Variants in STMN2 observed in about 807,000 individuals in gnomAD.
The protein encoded by STMN2 is stathmin-2.
STMN2 carries 2 observed loss-of-function variants against 24.1 expected under a neutral mutation model. The ratio of observed to expected loss-of-function variants is 0.08; its 90% confidence interval spans 0.03 to 0.26. The LOEUF is 0.26. STMN2 is among the 10% of genes least tolerant of loss of function. The pLI is 1.00. For synonymous variants in STMN2, 83 were observed against 77.5 expected (o/e 1.07, Z -0.37); for missense variants, 114 against 213.6 (o/e 0.53, Z 2.91).
At position 79,641,538 on chromosome 8, in the gene STMN2, G is replaced by A; in HGVS notation, c.276G>A (p.Glu92=). 3 of 1,609,446 alleles carry A rather than the reference G, an allele frequency of 1.9e-6. No homozygotes were observed. The highest frequency in any genetic ancestry group is 2.5e-6 in the Non-Finnish European group (3 of 1,178,024). The change falls in exon 3 of 5, where the codon GAG becomes GAA. Residue 92 remains glutamate, a synonymous_variant. Coordinates refer to ENST00000220876, the MANE Select transcript of STMN2 (RefSeq NM_007029.4). The part of the protein sequence containing the change: ...EEIQKKLEAA[E]ERRKSQEAQV... The stretch of plus-strand genomic sequence containing the variant: ...TCCAGAAGAAACTGGAGGCTGCAGA[G>A]GAAAGAAGAAAGGTAACTTTTTCCA...
At position 79,655,356 on chromosome 8, in the gene STMN2, C is replaced by T. The variant is rs974861744; in HGVS notation, c.480+294C>T. ...GTGTAAGACTTCTATACAAGCCTCA[C>T]GAGGCAATCTGTAGGAAAAATGTTA... is the stretch of plus-strand genomic sequence containing the variant. On this transcript the variant is annotated intron_variant, in intron 4 of 4. Coordinates refer to ENST00000220876, the MANE Select transcript of STMN2 (RefSeq NM_007029.4). 5.9e-5 allele frequency among the ~76,000 whole-genome samples: 9 copies of T among 151,678 alleles called. No individual in the cohort carries two copies. The East Asian group carries it at 1.2e-3, about 19-fold the overall frequency.
chr8:79,636,412 G>A (rs1809956455), intron 1 of STMN2, among the ~76,000 whole-genome samples: 3 of 152,090 alleles, frequency 2.0e-5, no homozygotes, highest in Admixed American at 2.0e-4. Context: ...TCTTACTTAT[G>A]TACAATAGAC....
rs1444557 is a variant in STMN2, at chr8:79,655,891, C to T, written c.480+829C>T. ...CTCAATCCTTTTCTGAGCAGTCAGT[C>T]ACCCTTCCCGCCAGTAGCAAGTGCC... On this transcript the variant is annotated intron_variant, in intron 4 of 4. Coordinates refer to ENST00000220876, the MANE Select transcript of STMN2 (RefSeq NM_007029.4). 5.8e-3 allele frequency among the ~76,000 whole-genome samples: 884 copies of T among 152,248 alleles called. 21 individuals are homozygous for T. The highest frequency in any genetic ancestry group is 0.033 in the Admixed American group (511 of 15,290).
chr8:79,613,844 T>A, intron 1 of STMN2: 1 of 984,552 alleles, frequency 1.0e-6, no homozygotes, highest in Non-Finnish European at 1.2e-6. Context: ...TTCATGTGGC[T>A]AAGATACATG....
chr8:79,630,946 C>T (rs951242128), intron 1 of STMN2, among the ~76,000 whole-genome samples: 3 of 152,150 alleles, frequency 2.0e-5, no homozygotes, highest in Admixed American at 1.3e-4. Flanking sequence ...TGATAAAAAT[C>T]TTGACACATA....
intron 4 of STMN2, among the ~76,000 whole-genome samples, chr8:79,660,325 G>C (rs901908056): frequency 6.6e-6 from 1 of 152,292 alleles, no homozygotes; most frequent in South Asian, 2.1e-4. Context: ...TCAATGCCAA[G>C]ACTTCTGAGC....
chr8:79,650,760 C>T (rs973615360), intron 3 of STMN2, among the ~76,000 whole-genome samples: 3 of 152,056 alleles, frequency 2.0e-5, no homozygotes, highest in African/African-American at 7.2e-5. Flanking sequence ...GTTATTAGCG[C>T]CCCTGAATAA....
intron 1 of STMN2, chr8:79,613,433 G>A (rs1247804727): frequency 1.1e-5 from 11 of 985,346 alleles, no homozygotes; most frequent in African/African-American, 3.5e-5. Context: ...ACCGGTTTCT[G>A]CGCAGTGTCC....
At chr8:79,637,035 T>C in intron 2 of STMN2, 138 bp downstream of exon 2, 1 of 751,814 alleles carries the variant, frequency 1.3e-6, no homozygotes, top group Admixed American at 2.6e-5. Context: ...GTCTAGCTAT[T>C]ATGTCCAATT....
chr8:79,629,532 C>T (rs76279048), intron 1 of STMN2, among the ~76,000 whole-genome samples: 2,437 of 152,178 alleles, frequency 0.016, 66 homozygotes, highest in African/African-American at 0.056. Context: ...TTGAAAAATG[C>T]AACTTTAGAA....
At chr8:79,612,759 T>C (rs559123119) in intron 1 of STMN2, among the ~76,000 whole-genome samples, 129 of 152,318 alleles carry the variant, frequency 8.5e-4, no homozygotes, top group African/African-American at 3.1e-3. Context: ...AAGGACTCCA[T>C]CTGCGCGGCT....
At chr8:79,652,027 T>G (rs1468875586) in intron 3 of STMN2, among the ~76,000 whole-genome samples, 3 of 152,224 alleles carry the variant, frequency 2.0e-5, no homozygotes, top group Non-Finnish European at 4.4e-5. Context: ...AATGTTACAT[T>G]GCTACCTGCC....
At chr8:79,644,415 T>G (rs1810174840) in intron 3 of STMN2, among the ~76,000 whole-genome samples, 1 of 152,236 alleles carries the variant, frequency 6.6e-6, no homozygotes. Context: ...ACAGAGCTTC[T>G]TTTTCCCAAT....
intron 1 of STMN2, among the ~76,000 whole-genome samples, chr8:79,632,154 G>A (rs1432926260): frequency 6.6e-6 from 1 of 152,202 alleles, no homozygotes; most frequent in Non-Finnish European, 1.5e-5. Context: ...CCAGTTTAAA[G>A]ACACCACTGC....
chr8:79,645,154 C>CA (rs539464553), intron 3 of STMN2, among the ~76,000 whole-genome samples: 19,447 of 124,542 alleles, frequency 0.16, 1,596 homozygotes, highest in African/African-American at 0.27. Flanking sequence ...GACTCCATCT[C>CA]AAAAAAAAAA....
chr8:79,613,676 G>A, intron 1 of STMN2: 1 of 985,446 alleles, frequency 1.0e-6, no homozygotes, highest in Non-Finnish European at 1.2e-6. Flanking sequence ...AAAGGGACGT[G>A]GATTGCTCTT....
chr8:79,652,218 T>C (rs191323739), intron 3 of STMN2, among the ~76,000 whole-genome samples: 44 of 152,358 alleles, frequency 2.9e-4, no homozygotes, highest in Admixed American at 1.8e-3. Context: ...TTTCTGTTCA[T>C]TACAAGAGAA....
chr8:79,664,469 C>T (rs60673082), intron 4 of STMN2, among the ~76,000 whole-genome samples: 5,578 of 152,168 alleles, frequency 0.037, 133 homozygotes, highest in South Asian at 0.1. Flanking sequence ...AAATATTAGT[C>T]AAAAGGAACG....
intron 3 of STMN2, among the ~76,000 whole-genome samples, chr8:79,653,198 G>A (rs777345032): frequency 1.4e-4 from 22 of 151,936 alleles, no homozygotes; most frequent in Admixed American, 9.2e-4. Flanking sequence ...CCAACATGAC[G>A]AAACCCCATC....
Sources: allele counts gnomAD v4.1 joint callset (sites outside exome capture counted in the v4.1 genomes callset), GRCh38; gene constraint gnomAD v4.1.1; transcripts MANE v1.5; gene names NCBI Gene and HGNC (gene_info 2026-07-23, HGNC 2026-07-21).